ADCK1: variants seen among roughly 807,000 people sequenced by gnomAD.
ADCK1 encodes aarF domain containing kinase 1.
Under a neutral mutation model 52.3 loss-of-function variants are expected in ADCK1, and 41 were observed. The observed-to-expected ratio is 0.78, with a 90% CI of 0.61 to 1.02. The LOEUF (loss-of-function observed/expected upper bound fraction) is 1.02. Among genes scored for constraint, ADCK1 ranks in the 50% least tolerant of loss-of-function variants. The pLI, the probability that ADCK1 is intolerant of heterozygous loss-of-function variation, is 0.00. For synonymous variants in ADCK1, 250 were observed against 274.6 expected, an observed-to-expected ratio of 0.91 and a Z score of 0.89; for missense variants, 658 against 679.5, an observed-to-expected ratio of 0.97 and a Z score of 0.35.
intron 5 of ADCK1, among the ~76,000 whole-genome samples, chr14:77,894,013 G>A (rs186264615): frequency 2.6e-5 from 4 of 152,162 alleles, no homozygotes; most frequent in Non-Finnish European, 4.4e-5. Flanking sequence ...GATTACAGGC[G>A]TGAGCCACCG....
At chr14:77,852,683 A>ATATATATATTATATATATATATAT (rs2082321856) in intron 3 of ADCK1, among the ~76,000 whole-genome samples, 10 of 84,016 alleles carry the variant, frequency 1.2e-4, no homozygotes, top group Admixed American at 4.4e-4. Flanking sequence ...ATATATATAT[A>ATATATATATTATATATATATATAT]TATATATATA....
chr14:77,839,601 G>A (rs545565541), intron 3 of ADCK1, among the ~76,000 whole-genome samples: 3 of 152,172 alleles, frequency 2.0e-5, no homozygotes, highest in Non-Finnish European at 4.4e-5. Flanking sequence ...TCCCCTTCCC[G>A]GTGCACTGCT....
At chr14:77,840,738 C>T (rs1229383900) in intron 3 of ADCK1, among the ~76,000 whole-genome samples, 1 of 151,724 alleles carries the variant, frequency 6.6e-6, no homozygotes, top group Non-Finnish European at 1.5e-5. Context: ...GTCCCAACTA[C>T]TTGGGAGGCT....
chr14:77,852,663 A>AAATATATATATATAT (rs1566667072), intron 3 of ADCK1, among the ~76,000 whole-genome samples: 14 of 87,586 alleles, frequency 1.6e-4, no homozygotes, highest in Non-Finnish European at 2.8e-4. Context: ...ATAAATAAAT[A>AAATATATATATATAT]TATATATATA....
At chr14:77,898,950 CCTA>C (rs1196281855) in intron 5 of ADCK1, 147 bp from the exon 6 acceptor site, 53 of 1,012,894 alleles carry the variant, frequency 5.2e-5, no homozygotes, top group Non-Finnish European at 7.1e-5. Context: ...AGAGCAGGAG[CCTA>C]CTATGTTTCC....
chr14:77,852,939 G>A (rs1334564776), intron 3 of ADCK1, among the ~76,000 whole-genome samples: 2 of 36,904 alleles, frequency 5.4e-5, no homozygotes, highest in Admixed American at 3.8e-4. Context: ...TTTAGAGACA[G>A]GGTCTTGCTG....
At chr14:77,806,312 A>G (rs1377235100) in intron 1 of ADCK1, among the ~76,000 whole-genome samples, 1 of 152,020 alleles carries the variant, frequency 6.6e-6, no homozygotes, top group Admixed American at 6.5e-5. Context: ...CTTGCTTTCA[A>G]ATTAAACTAT....
chr14:77,928,401 C>T (rs963790351), intron 9 of ADCK1, among the ~76,000 whole-genome samples: 2 of 151,820 alleles, frequency 1.3e-5, no homozygotes, highest in Non-Finnish European at 2.9e-5. Flanking sequence ...GATGAGGTCA[C>T]GTGGCATGTA....
intron 4 of ADCK1, among the ~76,000 whole-genome samples, chr14:77,886,886 G>A (rs935715136): frequency 2.7e-5 from 4 of 150,842 alleles, no homozygotes; most frequent in African/African-American, 9.8e-5. Context: ...CAGCCTGGTC[G>A]ACAGCGCGGG....
chr14:77,896,734 C>T (rs1163769722), intron 5 of ADCK1, among the ~76,000 whole-genome samples: 4 of 152,222 alleles, frequency 2.6e-5, no homozygotes, highest in African/African-American at 9.6e-5. Flanking sequence ...CCTCTCCCTT[C>T]TAGTCTTGCT....
Position 77,925,839 on chromosome 14 carries a change from A to G in ADCK1, c.1084A>G (p.Lys362Glu), listed in dbSNP as rs150732316. The change falls in exon 9 of 11, where the codon AAG becomes GAG. Residue 362 changes from lysine (K) to glutamate (E), a missense_variant. Physicochemically the swap from Lys to Glu is moderately conservative, Grantham distance 56 (BLOSUM62 1). Coordinates refer to ENST00000238561, the MANE Select transcript of ADCK1 (RefSeq NM_020421.4). ...GATCTGGACTGACATGAAGAGAGTG[A>G]AGGAGTACAGCCAGCGACTGGGAGC... ...SLIWTDMKRVKEYSQRLGAGD... is the reference protein window; with the variant it reads ...SLIWTDMKRVEEYSQRLGAGD... The G allele has an allele frequency of 9.6e-4, 1,555 of 1,614,186 alleles. 1 individual carries two copies. The highest frequency in any genetic ancestry group is 1.3e-3 in the Non-Finnish European group (1,491 of 1,180,038).
At chr14:77,829,597 A>G (rs1043148978) in intron 3 of ADCK1, among the ~76,000 whole-genome samples, 3 of 151,426 alleles carry the variant, frequency 2.0e-5, no homozygotes, top group African/African-American at 7.3e-5. Flanking sequence ...GTATCTGGGC[A>G]AAAAACTATG....
At chr14:77,913,767 A>G (rs1049415265) in intron 7 of ADCK1, among the ~76,000 whole-genome samples, 3 of 152,122 alleles carry the variant, frequency 2.0e-5, no homozygotes, top group African/African-American at 4.8e-5. Context: ...TCTGGTGGGC[A>G]GACACTGCTG....
chr14:77,825,191 A>G (rs1463252166), intron 3 of ADCK1, among the ~76,000 whole-genome samples: 1 of 152,134 alleles, frequency 6.6e-6, no homozygotes, highest in African/African-American at 2.4e-5. Flanking sequence ...CCTTTAGATC[A>G]GGGATTGAGT....
intron 7 of ADCK1, among the ~76,000 whole-genome samples, chr14:77,914,816 G>A (rs1357831197): frequency 6.6e-6 from 1 of 152,202 alleles, no homozygotes; most frequent in Admixed American, 6.5e-5. Context: ...ACAGAGGCAT[G>A]TCTTCCTCCA....
intron 3 of ADCK1, among the ~76,000 whole-genome samples, chr14:77,844,537 G>A (rs761366197): frequency 5.3e-5 from 8 of 152,186 alleles, no homozygotes; most frequent in Non-Finnish European, 1.2e-4. Flanking sequence ...CTCCCTTAGA[G>A]AGGCAGTGTG....
intron 1 of ADCK1, among the ~76,000 whole-genome samples, chr14:77,817,199 G>A (rs1457564435): frequency 3.3e-5 from 5 of 152,154 alleles, no homozygotes; most frequent in South Asian, 2.1e-4. Context: ...CCGAGATCGC[G>A]GCACTGCACT....
chr14:77,880,608 C>T (rs1182845715), intron 4 of ADCK1, among the ~76,000 whole-genome samples: 1 of 152,210 alleles, frequency 6.6e-6, no homozygotes. Context: ...GAGGTCCAGA[C>T]AAGGAGTGAG....
chr14:77,823,815 A>C (rs1393874790), intron 3 of ADCK1, among the ~76,000 whole-genome samples: 1 of 151,980 alleles, frequency 6.6e-6, no homozygotes, highest in Non-Finnish European at 1.5e-5. Context: ...CAAGTAATCC[A>C]CCTGCCTTGG....
Sources: gnomAD v4.1 joint callset for allele counts (sites outside exome capture counted in the v4.1 genomes callset) on GRCh38, gnomAD v4.1.1 for gene constraint, MANE v1.5 for transcripts, NCBI Gene and HGNC (gene_info 2026-07-23, HGNC 2026-07-21) for gene names.